Variants in HMCN1 observed in about 807,000 individuals in gnomAD.
HMCN1 encodes the protein hemicentin 1.
A neutral mutation model predicts 625.9 loss-of-function variants in HMCN1; 321 were observed. The observed-to-expected ratio is 0.51, with a 90% CI of 0.47 to 0.56. The LOEUF (loss-of-function observed/expected upper bound fraction) is 0.56, where lower values mean the gene tolerates loss of function less well. HMCN1 is among the 20% of genes least tolerant of loss of function. The pLI is 0.00. For synonymous variants in HMCN1, 2,425 were observed against 2,417.6 expected (o/e 1.00, Z -0.09); for missense variants, 6,588 against 6,887.3 (o/e 0.96, Z 1.54).
chr1:186,107,465 A>C (rs1660662803), intron 70 of HMCN1, among the ~76,000 whole-genome samples: 1 of 152,198 alleles, frequency 6.6e-6, no homozygotes, highest in African/African-American at 2.4e-5. Context: ...ACTTTTTTGC[A>C]TATAAATGTT....
At chr1:185,898,849 A>G (rs1024628783) in intron 4 of HMCN1, among the ~76,000 whole-genome samples, 1 of 151,880 alleles carries the variant, frequency 6.6e-6, no homozygotes, top group Non-Finnish European at 1.5e-5. Flanking sequence ...AGTGAAGAAG[A>G]TATTGAAACT....
At chr1:186,016,289 A>G in intron 32 of HMCN1, 50 bp downstream of exon 32, 1 of 1,542,376 alleles carries the variant, frequency 6.5e-7, no homozygotes, top group Non-Finnish European at 8.9e-7. Context: ...GCAAAACCTG[A>G]TTAGTTTGTT....
intron 35 of HMCN1, among the ~76,000 whole-genome samples, chr1:186,022,335 A>T (rs1416638049): frequency 6.6e-6 from 1 of 152,144 alleles, no homozygotes; most frequent in Admixed American, 6.6e-5. Context: ...ATTAGAACTG[A>T]GGGAATGCTT....
intron 89 of HMCN1, among the ~76,000 whole-genome samples, chr1:186,142,786 T>G (rs953232363): frequency 6.6e-6 from 1 of 152,188 alleles, no homozygotes; most frequent in Non-Finnish European, 1.5e-5. Context: ...TTATATGTAG[T>G]AGAAATGACA....
At chr1:186,119,420 A>G in intron 78 of HMCN1, 122 bp downstream of exon 78, 7 of 823,746 alleles carry the variant, frequency 8.5e-6, no homozygotes, top group Non-Finnish European at 1.5e-5. Context: ...TCTTGGGGAT[A>G]TGAAAGCCTG....
chr1:186,120,235 T>C, intron 80 of HMCN1, 90 bp downstream of exon 80: 1 of 1,371,544 alleles, frequency 7.3e-7, no homozygotes, highest in South Asian at 1.3e-5. Context: ...ATTATGCTGC[T>C]GTTCCCCCAT....
intron 36 of HMCN1, among the ~76,000 whole-genome samples, chr1:186,025,322 TAAAG>T (rs1654994857): frequency 1.3e-5 from 2 of 152,112 alleles, no homozygotes; most frequent in South Asian, 4.1e-4. Flanking sequence ...TGCTGTATAA[TAAAG>T]AATAGAGTGT....
intron 2 of HMCN1, among the ~76,000 whole-genome samples, chr1:185,848,060 A>G (rs1228294249): frequency 2.0e-5 from 3 of 152,256 alleles, no homozygotes; most frequent in Non-Finnish European, 4.4e-5. Flanking sequence ...AAACAAAACA[A>G]AATAAACAAC....
chr1:185,970,296 A>G (rs1167061984), intron 14 of HMCN1, 39 bp from the exon 15 acceptor site: 1 of 1,572,236 alleles, frequency 6.4e-7, no homozygotes, highest in South Asian at 1.1e-5. Flanking sequence ...CAATTTTAAT[A>G]CTTTAGTGTT....
At chr1:185,786,502 C>T (rs1046057489) in intron 1 of HMCN1, among the ~76,000 whole-genome samples, 1 of 152,138 alleles carries the variant, frequency 6.6e-6, no homozygotes, top group Non-Finnish European at 1.5e-5. Context: ...GCTTCGTTGT[C>T]TCATCTGGAG....
At chr1:185,767,469 C>T (rs770170018) in intron 1 of HMCN1, among the ~76,000 whole-genome samples, 5 of 152,122 alleles carry the variant, frequency 3.3e-5, no homozygotes, top group Admixed American at 2.0e-4. Context: ...AAAGATAAGA[C>T]AATAGTGACA....
Position 186,189,627 on chromosome 1 carries a change from C to A in HMCN1, c.16657C>A (p.Arg5553=). 4 of 1,612,750 alleles carry A rather than the reference C, an allele frequency of 2.5e-6. No homozygotes were observed. Among genetic ancestry groups the A allele is most frequent in the Non-Finnish European group, 3.4e-6 (4 of 1,179,256 alleles). Residue 5553 remains arginine, a synonymous_variant, in exon 107 of 107, where the codon CGG becomes AGG. Coordinates refer to ENST00000271588, the MANE Select transcript of HMCN1 (RefSeq NM_031935.3). ...AATAGCCACCAATCAAGATTTAATC[C>A]GGCTGGTTGCATACACACAGGATGG... ...FGIATNQDLI[R]LVAYTQDGVM...
At chr1:185,971,885 C>T (rs978004043) in intron 15 of HMCN1, among the ~76,000 whole-genome samples, 1 of 152,024 alleles carries the variant, frequency 6.6e-6, no homozygotes, top group Non-Finnish European at 1.5e-5. Context: ...CACTGTAACA[C>T]GTGTTTGAAC....
At chr1:185,737,393 T>G (rs976899754) in intron 1 of HMCN1, among the ~76,000 whole-genome samples, 3 of 152,134 alleles carry the variant, frequency 2.0e-5, no homozygotes, top group Non-Finnish European at 4.4e-5. Context: ...CAAGTGATTG[T>G]GCTGCCTTGG....
intron 102 of HMCN1, among the ~76,000 whole-genome samples, chr1:186,173,952 CTATTACTAGAAACTCTT>C (rs1294610926): frequency 6.6e-6 from 1 of 152,176 alleles, no homozygotes; most frequent in African/African-American, 2.4e-5. Flanking sequence ...CAAACTAATA[CTATTACTAGAAACTCTT>C]TTAAAAGAAA....
In HMCN1 at chr1:185,975,657, A is replaced by AACATATTT. The variant is rs546549427; in HGVS notation, c.2372-2129_2372-2128insCATATTTA. 3.3e-3 allele frequency among the ~76,000 whole-genome samples: 497 copies of AACATATTT among 152,346 alleles called. 1 individual carries two copies. Among genetic ancestry groups the AACATATTT allele is most frequent in the African/African-American group, 0.011 (475 of 41,586 alleles). ...CTATTAACTATGTTTAAATATGTTT[A>AACATATTT]AAATATGTTTATTTTGCCTATTATT... is the stretch of plus-strand genomic sequence containing the variant. On this transcript the variant is annotated intron_variant, in intron 15 of 106. Coordinates refer to ENST00000271588, the MANE Select transcript of HMCN1 (RefSeq NM_031935.3).
At position 186,095,333 on chromosome 1, in the gene HMCN1, C is replaced by A. The variant is rs1309057589; in HGVS notation, c.10385C>A (p.Thr3462Asn). The change falls in exon 68 of 107, where the codon ACC (threonine) becomes AAC (asparagine). Residue 3462 changes from threonine to asparagine, a missense_variant. This residue lies in a region of HMCN1 where 4,628 missense variants were observed against 4,853.1 expected (regional missense o/e 0.95). Transcript: ENST00000271588. Reference sequence around the variant, plus strand: ...TCTATGGCATGCATTACTGATGGAACCCCAGCTCCCAGTATGGCCTGGCTT... The same window carrying A: ...TCTATGGCATGCATTACTGATGGAAACCCAGCTCCCAGTATGGCCTGGCTT... ...STSMACITDG[T>N]PAPSMAWLRD... is the part of the protein sequence containing the mutation. 2 of 1,613,754 alleles carry A rather than the reference C, an allele frequency of 1.2e-6. No individual in the cohort carries two copies. Among genetic ancestry groups the A allele is most frequent in the Non-Finnish European group, 1.7e-6 (2 of 1,179,832 alleles).
At chr1:186,068,441 T>A (rs917097548) in intron 50 of HMCN1, among the ~76,000 whole-genome samples, 2 of 152,128 alleles carry the variant, frequency 1.3e-5, no homozygotes, top group Non-Finnish European at 2.9e-5. Flanking sequence ...ATTTCTGGCT[T>A]TAAGAGACTG....
In HMCN1 at chr1:186,065,265, A is replaced by G. The variant is rs747639033; in HGVS notation, c.7541A>G (p.His2514Arg). Residue 2514 changes from histidine (H) to arginine (R), a missense_variant, in exon 49 of 107, where the codon CAC becomes CGC. Coordinates refer to ENST00000271588, the MANE Select transcript of HMCN1 (RefSeq NM_031935.3). Reference protein sequence around the residue: ...TGNPVPEITWHKDGQPLQEDE... With the variant: ...TGNPVPEITWRKDGQPLQEDE... ...AATCCAGTGCCAGAAATTACATGGC[A>G]CAAAGATGGGCAGCCCCTCCAAGAA... 5 of 1,612,472 alleles carry G rather than the reference A, an allele frequency of 3.1e-6. No individual in the cohort carries two copies. In the South Asian group the frequency reaches 5.5e-5, roughly 18 times the overall value.
Sources: allele counts gnomAD v4.1 joint callset (sites outside exome capture counted in the v4.1 genomes callset), GRCh38; gene constraint gnomAD v4.1.1; regional missense constraint gnomAD v4.1.1; transcripts MANE v1.5; gene names NCBI Gene and HGNC (gene_info 2026-07-23, HGNC 2026-07-21).